Variants in ADNP observed in about 807,000 individuals in gnomAD.
ADNP encodes activity-dependent neuroprotector homeobox protein.
In ADNP, 4 loss-of-function variants were observed where a neutral mutation model predicts 84.9. That is an observed-to-expected ratio of 0.05 (90% CI 0.02 to 0.11). The LOEUF (loss-of-function observed/expected upper bound fraction) is 0.11, where lower values mean the gene tolerates loss of function less well. ADNP is among the 10% of genes least tolerant of loss of function. The pLI is 1.00. For synonymous variants in ADNP, 554 were observed against 468.1 expected (o/e 1.18, Z -2.37); for missense variants, 1,132 against 1,326.0 (o/e 0.85, Z 2.27).
At chr20:50,920,114 T>C (rs936730386) in intron 2 of ADNP, among the ~76,000 whole-genome samples, 2 of 150,098 alleles carry the variant, frequency 1.3e-5, no homozygotes, top group Admixed American at 1.3e-4. Context: ...CCATCTCTAC[T>C]AAAAATACAA....
chr20:50,930,691 G>A (rs1220274143), intron 1 of ADNP, 135 bp downstream of exon 1: 3 of 152,364 alleles, frequency 2.0e-5, no homozygotes, highest in African/African-American at 2.4e-5. Flanking sequence ...GAGCGTGTGT[G>A]CGGCTGGAGG....
Position 50,891,469 on chromosome 20 carries a change from T to G in ADNP, c.3245A>C (p.Asp1082Ala). ...GCCATGCATGGGCTCAGCTACTCCA[T>G]CAGTCATGTTGTCAAACTGTTCCCC... ...EDGEQFDNMT[D>A]GVAEPMHGSL... Residue 1082 changes from aspartate to alanine, a missense_variant, in exon 6 of 6, where the codon GAT becomes GCT. Transcript: ENST00000621696. 1.2e-6 allele frequency: 2 copies of G among 1,612,776 alleles called. No individual in the cohort carries two copies. Among genetic ancestry groups the G allele is most frequent in the South Asian group, 2.2e-5 (2 of 91,078 alleles).
rs759208073 is a variant in ADNP, at chr20:50,891,704, C to G, written c.3010G>C (p.Glu1004Gln). 9.3e-6 allele frequency: 15 copies of G among 1,614,076 alleles called. No homozygotes were observed. The highest frequency in any genetic ancestry group is 1.3e-5 in the African/African-American group (1 of 74,928). Residue 1004 changes from glutamate (E) to glutamine (Q), a missense_variant, in exon 6 of 6, where the codon GAA becomes CAA. Transcript: ENST00000621696. ...GCTGGCTTACTGCTCCTTGCATCTTCGCTTTGGGAAGACTCGTCAGACCAG... is the reference window on the plus strand; with the variant it reads ...GCTGGCTTACTGCTCCTTGCATCTTGGCTTTGGGAAGACTCGTCAGACCAG... Reference protein sequence around the residue: ...GTWSDESSQSEDARSSKPAAK... With the variant: ...GTWSDESSQSQDARSSKPAAK...
At chr20:50,913,684 A>G in intron 2 of ADNP, 2 of 286,852 alleles carry the variant, frequency 7.0e-6, no homozygotes, top group South Asian at 9.2e-5. Flanking sequence ...ACCTGTTAAG[A>G]TAAAAACTAA....
rs1980859002 is a variant in ADNP at position 50,892,293 on chromosome 20, T to C, written c.2421A>G (p.Lys807=). The change falls in exon 6 of 6, where the codon AAA becomes AAG. Residue 807 remains lysine, a synonymous_variant. Coordinates refer to ENST00000621696, the MANE Select transcript of ADNP (RefSeq NM_001282531.3). ...KSDIASHFSN[K]RKKCVRDCEK... is the part of the protein sequence containing the mutation. ...CACAATCACGGACACACTTCTTCCTTTTGTTACTAAAATGGGAAGCGATGT... is the reference window on the plus strand; with the variant it reads ...CACAATCACGGACACACTTCTTCCTCTTGTTACTAAAATGGGAAGCGATGT... 1.9e-6 allele frequency: 3 copies of C among 1,614,162 alleles called. No homozygotes were observed. Among genetic ancestry groups the C allele is most frequent in the Non-Finnish European group, 2.5e-6 (3 of 1,180,042 alleles).
chr20:50,907,579 T>C (rs1982613351), intron 2 of ADNP, among the ~76,000 whole-genome samples: 1 of 150,844 alleles, frequency 6.6e-6, no homozygotes, highest in Non-Finnish European at 1.5e-5. Context: ...GAATGTATGT[T>C]CATGTTAACT....
intron 2 of ADNP, among the ~76,000 whole-genome samples, chr20:50,923,341 A>G (rs535564174): frequency 5.9e-5 from 9 of 152,324 alleles, no homozygotes; most frequent in Non-Finnish European, 1.0e-4. Context: ...ACTATTCTTG[A>G]GTAACAGAAT....
At chr20:50,912,899 GGAGAA>G (rs1255467340) in intron 2 of ADNP, among the ~76,000 whole-genome samples, 11 of 152,192 alleles carry the variant, frequency 7.2e-5, no homozygotes, top group Admixed American at 2.0e-4. Context: ...CCTGGGGTTG[GGAGAA>G]GAGAAGAGTG....
intron 5 of ADNP, among the ~76,000 whole-genome samples, chr20:50,901,392 G>A (rs1981970988): frequency 7.1e-6 from 1 of 141,494 alleles, no homozygotes. Flanking sequence ...TGTTCCGATA[G>A]ATGAACAGAT....
At chr20:50,907,751 T>C (rs1185101617) in intron 2 of ADNP, among the ~76,000 whole-genome samples, 2 of 115,904 alleles carry the variant, frequency 1.7e-5, no homozygotes, top group African/African-American at 9.1e-5. Context: ...CCTGGCTATA[T>C]TTTGTGTGTG....
At chr20:50,930,364 G>GTCCCCCC (rs1473436721) in intron 1 of ADNP, among the ~76,000 whole-genome samples, 1 of 143,704 alleles carries the variant, frequency 7.0e-6, no homozygotes, top group Admixed American at 6.8e-5. Context: ...CCCCAACCCC[G>GTCCCCCC]TCCCCCCTCC....
At chr20:50,922,950 C>A (rs997723859) in intron 2 of ADNP, among the ~76,000 whole-genome samples, 1 of 152,070 alleles carries the variant, frequency 6.6e-6, no homozygotes, top group African/African-American at 2.4e-5. Flanking sequence ...AGGGCCAACA[C>A]CCTCTCTCTA....
intron 2 of ADNP, chr20:50,913,792 T>C: frequency 2.1e-6 from 1 of 475,572 alleles, no homozygotes; most frequent in Non-Finnish European, 4.0e-6. Context: ...CTGGAGGAGG[T>C]GAAGGAGAGG....
At chr20:50,928,249 G>C (rs1467675256) in intron 2 of ADNP, among the ~76,000 whole-genome samples, 1 of 152,058 alleles carries the variant, frequency 6.6e-6, no homozygotes, top group East Asian at 1.9e-4. Flanking sequence ...AGTCTTAAAG[G>C]TACCCACAAA....
rs1980487045 is a variant in ADNP, at chr20:50,889,967, AAAAC to A, written c.*1434_*1437del. The stretch of plus-strand genomic sequence containing the variant: ...GAACGTTTAACTTCATCTAGAAGAA[AAAAC>A]AAACAAAAAACCCATCAGGCTATTA... On this transcript the variant is annotated 3_prime_UTR_variant, in exon 6 of 6. Coordinates refer to ENST00000621696, the MANE Select transcript of ADNP (RefSeq NM_001282531.3). 1.8e-5 allele frequency: 7 copies of A among 397,508 alleles called. No individual in the cohort carries two copies. Among genetic ancestry groups the A allele is most frequent in the South Asian group, 1.3e-4 (1 of 7,806 alleles). 24.6% of individuals were successfully genotyped at this position (397,508 alleles called of 1,614,324 possible).
rs1311021538 is a variant in ADNP, at chr20:50,889,195, T to TATC, written c.*2207_*2209dup. Reference sequence around the variant, plus strand: ...CACCACCTTAATGAGGAAACACACTTATCTGTGTCTGTTCCGATATCCAAC... The same window carrying TATC: ...CACCACCTTAATGAGGAAACACACTTATCATCTGTGTCTGTTCCGATATCCAAC... On this transcript the variant is annotated 3_prime_UTR_variant, in exon 6 of 6. Transcript: ENST00000621696. 3.3e-5 allele frequency: 5 copies of TATC among 152,176 alleles called. No homozygotes were observed. The highest frequency in any genetic ancestry group is 3.3e-4 in the Admixed American group (5 of 15,274). 9.4% of individuals were successfully genotyped at this position (152,176 alleles called of 1,614,324 possible).
intron 2 of ADNP, among the ~76,000 whole-genome samples, chr20:50,920,554 T>TAAA (rs577700827): frequency 8.5e-5 from 11 of 129,834 alleles, no homozygotes; most frequent in Non-Finnish European, 1.8e-4. Flanking sequence ...TGGACTCCAT[T>TAAA]AAAAAAAAAA....
intron 2 of ADNP, among the ~76,000 whole-genome samples, chr20:50,919,296 T>C (rs59037347): frequency 0.027 from 3,583 of 132,346 alleles, 287 homozygotes; most frequent in African/African-American, 0.11. Flanking sequence ...TAAGTGTATA[T>C]ATATATATAT....
intron 2 of ADNP, among the ~76,000 whole-genome samples, chr20:50,926,229 C>T (rs1455933318): frequency 6.6e-6 from 1 of 152,232 alleles, no homozygotes; most frequent in Non-Finnish European, 1.5e-5. Flanking sequence ...CAATGTTTCT[C>T]TTAATGTACA....
Sources: gnomAD v4.1 joint callset for allele counts (sites outside exome capture counted in the v4.1 genomes callset) on GRCh38, gnomAD v4.1.1 for gene constraint, MANE v1.5 for transcripts, NCBI Gene and HGNC (gene_info 2026-07-23, HGNC 2026-07-21) for gene names.